The following ELAVL4 variants were observed in gnomAD, a reference collection of about 807,000 sequenced individuals.
ELAVL4 encodes ELAV like RNA binding protein 4.
ELAVL4 carries 1 observed loss-of-function variant against 35.6 expected under a neutral mutation model. The ratio of observed to expected loss-of-function variants is 0.03; its 90% CI spans 0.01 to 0.13. The LOEUF (loss-of-function observed/expected upper bound fraction) is 0.13. ELAVL4 is among the 10% of genes least tolerant of loss of function. ELAVL4 has a pLI of 1.00. For synonymous variants in ELAVL4, 156 were observed against 171.0 expected (o/e 0.91, Z 0.69); for missense variants, 267 against 464.9 (o/e 0.57, Z 3.91).
intron 1 of ELAVL4, among the ~76,000 whole-genome samples, chr1:50,074,328 G>A (rs570623819): frequency 1.3e-5 from 2 of 152,272 alleles, no homozygotes; most frequent in East Asian, 1.9e-4. Context: ...TCTCTCTTGA[G>A]TGAATTAAAG....
chr1:50,187,944 A>T lies in ELAVL4; in HGVS notation c.355-5821A>T, dbSNP rs554995519. On this transcript the variant is annotated intron_variant, in intron 3 of 6. Coordinates refer to ENST00000371824, the MANE Select transcript of ELAVL4 (RefSeq NM_001144774.3). ...AATCCCTTCTCTACTAAAAATATAA[A>T]ATTAGCTGGGCATGGTGGCGCATGC... Among the ~76,000 whole-genome samples, 21 of 152,260 alleles carry T rather than the reference A, an allele frequency of 1.4e-4. No individual in the cohort carries two copies. In the South Asian group the frequency reaches 3.9e-3, roughly 29 times the overall value.
intron 3 of ELAVL4, among the ~76,000 whole-genome samples, chr1:50,186,099 A>C (rs902572623): frequency 6.6e-6 from 1 of 152,182 alleles, no homozygotes; most frequent in Non-Finnish European, 1.5e-5. Context: ...ACATGAATCT[A>C]TCGTCACATC....
chr1:50,055,186 A>T (rs975825493), intron 1 of ELAVL4, among the ~76,000 whole-genome samples: 1 of 152,238 alleles, frequency 6.6e-6, no homozygotes, highest in African/African-American at 2.4e-5. Context: ...AAGTTGGATG[A>T]CTTGCCCAAT....
At chr1:50,099,220 AATAACGT>A (rs1665848581), upstream of ELAVL4, among the ~76,000 whole-genome samples, 3 of 152,296 alleles carry the variant, frequency 2.0e-5, no homozygotes, top group Admixed American at 2.0e-4. Flanking sequence ...TTATAAGGCA[AATAACGT>A]ACAATTTCTG....
chr1:50,107,797 C>G (rs72688508), upstream of ELAVL4, among the ~76,000 whole-genome samples: 9,471 of 152,184 alleles, frequency 0.062, 416 homozygotes, highest in Non-Finnish European at 0.093. Flanking sequence ...TCAGGTAAGC[C>G]ACTTAAAAAA....
chr1:50,142,445 T>A (rs1572373571), intron 1 of ELAVL4, among the ~76,000 whole-genome samples: 1 of 152,136 alleles, frequency 6.6e-6, no homozygotes, highest in South Asian at 2.1e-4. Context: ...TCAGGTGATC[T>A]GCCCACCTCG....
intron 1 of ELAVL4, among the ~76,000 whole-genome samples, chr1:50,134,756 A>T (rs1671605455): frequency 6.6e-6 from 1 of 152,142 alleles, no homozygotes; most frequent in African/African-American, 2.4e-5. Flanking sequence ...CCTCATCTTT[A>T]TAATGTGCTG....
At chr1:50,050,196 A>G (rs944914262) in intron 1 of ELAVL4, among the ~76,000 whole-genome samples, 2 of 152,250 alleles carry the variant, frequency 1.3e-5, no homozygotes, top group East Asian at 3.8e-4. Context: ...AATTAATATT[A>G]TATATGTACA....
chr1:50,071,411 T>G (rs943641419), intron 1 of ELAVL4, among the ~76,000 whole-genome samples: 3 of 151,974 alleles, frequency 2.0e-5, no homozygotes, highest in Non-Finnish European at 4.4e-5. Flanking sequence ...TGTAACAACT[T>G]TTTTTCTTGA....
chr1:50,141,767 A>G (rs994093473), intron 1 of ELAVL4: 1 of 152,218 alleles, frequency 6.6e-6, no homozygotes, highest in Non-Finnish European at 1.5e-5. Flanking sequence ...TGCTGTCTGG[A>G]CCAGCCTTCT....
intron 1 of ELAVL4, among the ~76,000 whole-genome samples, chr1:50,052,866 A>C (rs1663459818): frequency 6.6e-6 from 1 of 152,258 alleles, no homozygotes; most frequent in African/African-American, 2.4e-5. Context: ...ATGTTGTGCA[A>C]AAATGACTCC....
intron 1 of ELAVL4, among the ~76,000 whole-genome samples, chr1:50,075,389 C>T (rs901062660): frequency 6.6e-6 from 1 of 152,052 alleles, no homozygotes; most frequent in African/African-American, 2.4e-5. Context: ...TCCTGTATAC[C>T]CATCACATAA....
chr1:50,162,521 AC>A lies in ELAVL4; in HGVS notation c.251-14566del, dbSNP rs981426023. Among the ~76,000 whole-genome samples, 50 of 152,288 alleles carry A rather than the reference AC, an allele frequency of 3.3e-4. 1 individual carries two copies. The highest frequency in any genetic ancestry group is 1.1e-3 in the African/African-American group (47 of 41,570). ...AGCCAGAATATACCCTCTGGAAATA[AC>A]CAAGGACTGGCCCAAGGTAATTTTA... On this transcript the variant is annotated intron_variant, in intron 2 of 6. Coordinates refer to ENST00000371824, the MANE Select transcript of ELAVL4 (RefSeq NM_001144774.3).
intron 2 of ELAVL4, among the ~76,000 whole-genome samples, chr1:50,156,283 G>C (rs1260989211): frequency 6.6e-6 from 1 of 152,208 alleles, no homozygotes; most frequent in Non-Finnish European, 1.5e-5. Flanking sequence ...TCAATACACA[G>C]TAGAGAAGAT....
chr1:50,144,885 A>G (rs1557775517), intron 1 of ELAVL4, 72 bp from the exon 2 acceptor site: 1 of 1,573,314 alleles, frequency 6.4e-7, no homozygotes, highest in East Asian at 2.2e-5. Context: ...CAAAAAAATT[A>G]ATAAACTTTT....
intron 6 of ELAVL4, among the ~76,000 whole-genome samples, chr1:50,198,882 C>A (rs1644226038): frequency 6.6e-6 from 1 of 152,156 alleles, no homozygotes; most frequent in African/African-American, 2.4e-5. Context: ...TTAACTGTCA[C>A]CAACTAGGAT....
rs139857389 is a variant in ELAVL4, at chr1:50,088,890, A to G, written c.18+40708A>G. ...AATCAGTTAAGCCTTAGTGACTGCC[A>G]GGGTGTTTCAGATCCATTCAAATGA... On this transcript the variant is annotated intron_variant, in intron 1 of 6. Coordinates refer to the ELAVL4 transcript ENST00000448907. Among the ~76,000 whole-genome samples, 614 of 148,440 alleles carry G rather than the reference A, an allele frequency of 4.1e-3. 4 individuals are homozygous for G. Among genetic ancestry groups the G allele is most frequent in the African/African-American group, 0.015 (592 of 39,968 alleles).
intron 6 of ELAVL4, among the ~76,000 whole-genome samples, chr1:50,198,514 G>A (rs562320993): frequency 6.6e-6 from 1 of 152,258 alleles, no homozygotes; most frequent in South Asian, 2.1e-4. Context: ...TAACCTGACT[G>A]CAGACTTCAC....
chr1:50,120,554 C>A (rs1668855115), intron 1 of ELAVL4, among the ~76,000 whole-genome samples: 1 of 152,000 alleles, frequency 6.6e-6, no homozygotes, highest in African/African-American at 2.4e-5. Flanking sequence ...ACTGTCCTTT[C>A]TTAATTCTTT....
Sources: allele counts gnomAD v4.1 joint callset (sites outside exome capture counted in the v4.1 genomes callset), GRCh38; gene constraint gnomAD v4.1.1; transcripts MANE v1.5; gene names NCBI Gene and HGNC (gene_info 2026-07-23, HGNC 2026-07-21).